F5: variants seen among roughly 807,000 people sequenced by gnomAD.
F5 encodes activated protein c cofactor.
F5 carries 138 observed loss-of-function variants against 216.4 expected under a neutral mutation model. The observed-to-expected ratio is 0.64, with a 90% CI of 0.56 to 0.73. The LOEUF (loss-of-function observed/expected upper bound fraction) is 0.73, where lower values mean the gene tolerates loss of function less well. F5 is among the 30% of genes least tolerant of loss of function. The pLI is 0.00. For synonymous variants in F5, 916 were observed against 930.7 expected (o/e 0.98, Z 0.29); for missense variants, 2,403 against 2,674.0 (o/e 0.90, Z 2.24).
chr1:169,549,161 G>T (rs1003876920), intron 10 of F5, among the ~76,000 whole-genome samples: 11 of 152,066 alleles, frequency 7.2e-5, no homozygotes, highest in African/African-American at 2.7e-4. Flanking sequence ...AGACCTCTTT[G>T]GTTACAGTTT....
chr1:169,582,401 T>A lies in F5; in HGVS notation c.250+30A>T. On this transcript the variant is annotated intron_variant, in intron 2 of 24. Coordinates refer to ENST00000367797, the MANE Select transcript of F5 (RefSeq NM_000130.5). The stretch of plus-strand genomic sequence containing the variant: ...CAAATTACCCATAGAAATTTATCTT[T>A]AAAATTAAAAAAGTATATTTCAGGC... 1.6e-6 allele frequency: 2 copies of A among 1,247,716 alleles called. 1 individual carries two copies. The highest frequency in any genetic ancestry group is 2.3e-6 in the Non-Finnish European group (2 of 877,906). 77.3% of individuals were successfully genotyped at this position (1,247,716 alleles called of 1,614,324 possible).
chr1:169,568,392 T>C (rs1441839179), intron 3 of F5, among the ~76,000 whole-genome samples: 1 of 152,108 alleles, frequency 6.6e-6, no homozygotes, highest in African/African-American at 2.4e-5. Flanking sequence ...CTTCAAATTA[T>C]TTTACCTTTA....
intron 13 of F5, among the ~76,000 whole-genome samples, chr1:169,539,225 A>T (rs979937679): frequency 6.6e-6 from 1 of 152,134 alleles, no homozygotes; most frequent in African/African-American, 2.4e-5. Context: ...ATCAACAGAG[A>T]ATCTCCTTCT....
chr1:169,532,458 T>C (rs1296412082), intron 14 of F5, among the ~76,000 whole-genome samples: 1 of 152,174 alleles, frequency 6.6e-6, no homozygotes, highest in East Asian at 1.9e-4. Context: ...AAAGACTCCA[T>C]GAAAAGGCTC....
chr1:169,557,877 T>A (rs1267986617), intron 5 of F5, among the ~76,000 whole-genome samples: 1 of 152,182 alleles, frequency 6.6e-6, no homozygotes, highest in African/African-American at 2.4e-5. Context: ...TGTTAGCATT[T>A]ATCATATGTA....
At chr1:169,526,908 A>G (rs1287659216) in intron 17 of F5, among the ~76,000 whole-genome samples, 2 of 151,502 alleles carry the variant, frequency 1.3e-5, no homozygotes, top group Non-Finnish European at 2.9e-5. Flanking sequence ...ATATAATACA[A>G]TTAATACTCT....
In F5 at chr1:169,544,410, T is replaced by C; in HGVS notation, c.1861A>G (p.Ile621Val). ...HFCSVGTQNE[I>V]LTIHFTGHSF... ...TGCCCAGTGAAGTGGATGGTCAAAA[T>C]TTCATTCTGGGTCCCCACACTACAG... The change falls in exon 12 of 25, where the codon ATT (isoleucine) becomes GTT (valine). Residue 621 changes from isoleucine to valine, a missense_variant. Physicochemically the swap from Ile to Val is conservative, Grantham distance 29 (BLOSUM62 3). Around this residue, in one of 4 missense-constraint regions of F5, gnomAD observed 1,425 missense variants for 1,554.8 expected, o/e 0.92. Coordinates refer to ENST00000367797, the MANE Select transcript of F5 (RefSeq NM_000130.5). The C allele has an allele frequency of 6.2e-7, 1 of 1,614,132 alleles. No individual in the cohort carries two copies. Among genetic ancestry groups the C allele is most frequent in the Non-Finnish European group, 8.5e-7 (1 of 1,180,014 alleles).
intron 4 of F5, among the ~76,000 whole-genome samples, chr1:169,560,180 T>C (rs1244348526): frequency 6.6e-6 from 1 of 152,160 alleles, no homozygotes; most frequent in Non-Finnish European, 1.5e-5. Flanking sequence ...ATGTCAAACA[T>C]GTTAGCCAAA....
At chr1:169,538,172 C>T (rs1485045446) in intron 13 of F5, among the ~76,000 whole-genome samples, 1 of 151,986 alleles carries the variant, frequency 6.6e-6, no homozygotes, top group Non-Finnish European at 1.5e-5. Context: ...CGAAGAAATG[C>T]CATTTGTGAC....
At chr1:169,528,220 T>A in intron 16 of F5, 126 bp from the exon 17 acceptor site, 1 of 1,206,578 alleles carries the variant, frequency 8.3e-7, no homozygotes, top group Non-Finnish European at 1.2e-6. Context: ...CAGGCCTACC[T>A]AGCCATGGAA....
chr1:169,559,405 C>A lies in F5; in HGVS notation c.587-109G>T, dbSNP rs576837231. The A allele has an allele frequency of 8.9e-5, 100 of 1,119,774 alleles. No individual in the cohort carries two copies. The African/African-American group carries it at 1.4e-3, about 15-fold the overall frequency. 69.4% of individuals were successfully genotyped at this position (1,119,774 alleles called of 1,614,324 possible). A position where few individuals can be genotyped will look rare whatever the true frequency, so the allele number is the denominator to read the frequency against. On this transcript the variant is annotated intron_variant, in intron 4 of 24. Coordinates refer to ENST00000367797, the MANE Select transcript of F5 (RefSeq NM_000130.5). ...AAGCAATCAACCATAATGATTTCAA[C>A]TTGAAGAAATTCTTATTTTTTAAAA...
intron 18 of F5, among the ~76,000 whole-genome samples, chr1:169,525,120 G>A (rs1659412059): frequency 6.6e-6 from 1 of 152,052 alleles, no homozygotes; most frequent in East Asian, 1.9e-4. Context: ...CTAGAAGAAA[G>A]CAACTGAAAT....
chr1:169,574,840 A>T (rs1660806692), intron 2 of F5, among the ~76,000 whole-genome samples: 2 of 152,124 alleles, frequency 1.3e-5, no homozygotes. Context: ...TCATTCCTTT[A>T]TTCATTCCTT....
chr1:169,578,054 A>T (rs143315752), intron 2 of F5, among the ~76,000 whole-genome samples: 2 of 152,290 alleles, frequency 1.3e-5, no homozygotes, highest in East Asian at 3.9e-4. Context: ...GCAGTGTTCA[A>T]ATCCAGATCT....
At position 169,522,633 on chromosome 1, in the gene F5, G is replaced by C. The variant is rs1252909502; in HGVS notation, c.6048+564C>G. ...ATGGCAGGCAGACTCCTTGCATTCA[G>C]ACTTCTTTGGGGAAGGGAATAGAGA... On this transcript the variant is annotated intron_variant, in intron 21 of 24. Coordinates refer to ENST00000367797, the MANE Select transcript of F5 (RefSeq NM_000130.5). Among the ~76,000 whole-genome samples, 5 of 152,272 alleles carry C rather than the reference G, an allele frequency of 3.3e-5. No individual in the cohort carries two copies. The East Asian group carries it at 9.6e-4, about 29-fold the overall frequency.
chr1:169,560,793 T>C (rs750156690), intron 3 of F5, 27 bp from the exon 4 acceptor site: 39 of 1,607,508 alleles, frequency 2.4e-5, no homozygotes, highest in Non-Finnish European at 2.7e-5. Context: ...CATCAAGACA[T>C]GTGGGCAGTT....
In F5 at chr1:169,518,479, C is replaced by G; in HGVS notation, c.6278G>C (p.Gly2093Ala). Residue 2093 changes from glycine (G) to alanine (A), a missense_variant, in exon 23 of 25, where the codon GGA (glycine) becomes GCA (alanine). Around this residue, in one of 4 missense-constraint regions of F5, gnomAD observed 659 missense variants for 787.9 expected, o/e 0.84. Transcript: ENST00000367797. ...TASSFKKSWW[G>A]DYWEPFRARL... ...GGCACGGAAGGGTTCCCAGTAATCTCCCCACCAAGATTTCTTAAACGAAGA... is the reference window on the plus strand; with the variant it reads ...GGCACGGAAGGGTTCCCAGTAATCTGCCCACCAAGATTTCTTAAACGAAGA... The G allele has an allele frequency of 1.2e-6, 2 of 1,613,884 alleles. No homozygotes were observed. The highest frequency in any genetic ancestry group is 1.7e-6 in the Non-Finnish European group (2 of 1,179,872).
Position 169,559,323 on chromosome 1 carries a change from T to C in F5, c.587-27A>G. On this transcript the variant is annotated intron_variant, in intron 4 of 24. Coordinates refer to ENST00000367797, the MANE Select transcript of F5 (RefSeq NM_000130.5). The stretch of plus-strand genomic sequence containing the variant: ...TATGAAAGGAAAGACATGTTTTCAG[T>C]AGCACTGCAGATAGAAGACGCTCAT... 8 of 1,612,878 alleles carry C rather than the reference T, an allele frequency of 5.0e-6. 1 individual carries two copies. Among genetic ancestry groups the C allele is most frequent in the South Asian group, 2.2e-5 (2 of 91,064 alleles).
intron 3 of F5, among the ~76,000 whole-genome samples, chr1:169,570,217 T>C (rs746903797): frequency 1.9e-4 from 29 of 152,212 alleles, no homozygotes; most frequent in South Asian, 4.1e-4. Flanking sequence ...GTAGGGAATG[T>C]AGGGACAAAT....
Sources: gnomAD v4.1 joint callset for allele counts (sites outside exome capture counted in the v4.1 genomes callset) on GRCh38, gnomAD v4.1.1 for gene constraint, gnomAD v4.1.1 regional missense constraint, MANE v1.5 for transcripts, NCBI Gene and HGNC (gene_info 2026-07-23, HGNC 2026-07-21) for gene names.